The following IMMT variants were observed in gnomAD, a reference collection of about 807,000 sequenced individuals.
IMMT encodes MICOS complex subunit MIC60.
In IMMT, 40 loss-of-function variants were observed where a neutral mutation model predicts 92.7. The ratio of observed to expected loss-of-function variants is 0.43; its 90% CI spans 0.34 to 0.56. IMMT has a LOEUF of 0.56. Ranked by LOEUF, IMMT falls within the 20% of genes least tolerant of loss-of-function variation. IMMT has a pLI of 0.03. For missense variants in IMMT, 831 were observed against 912.1 expected (o/e 0.91, Z 1.14); for synonymous variants, 322 against 336.1 (o/e 0.96, Z 0.46).
At chr2:86,146,296 CCTTA>C in intron 13 of IMMT, 99 bp from the exon 14 acceptor site, 1 of 975,732 alleles carries the variant, frequency 1.0e-6, no homozygotes, top group South Asian at 2.3e-5. Context: ...GCAAAGAGGG[CCTTA>C]GAGTTGTCAC....
intron 9 of IMMT, 81 bp from the exon 10 acceptor site, chr2:86,158,802 CATTT>C: frequency 8.8e-7 from 1 of 1,130,682 alleles, no homozygotes; most frequent in Non-Finnish European, 1.3e-6. Flanking sequence ...AGTATTCCTT[CATTT>C]GTTTACATTT....
rs1676022098 is a variant in IMMT, at chr2:86,158,529, G to A, written c.1162+63C>T. 7.5e-5 allele frequency: 105 copies of A among 1,392,360 alleles called. No individual in the cohort carries two copies. The South Asian group carries it at 1.2e-3, about 16-fold the overall frequency. The allele number at this position is 1,392,360 out of a possible 1,614,324, so 86.3% of individuals were successfully genotyped here. A position where few individuals can be genotyped will look rare whatever the true frequency, so the allele number is the denominator to read the frequency against. ...GTGGACTACAATGGAGATGAAGCAA[G>A]TTTAGATTCATTGATTAGTGGTTAA... On this transcript the variant is annotated intron_variant, in intron 10 of 14. Coordinates refer to ENST00000410111, the MANE Select transcript of IMMT (RefSeq NM_006839.3).
intron 10 of IMMT, among the ~76,000 whole-genome samples, chr2:86,157,606 C>G (rs971764533): frequency 1.3e-5 from 2 of 151,788 alleles, no homozygotes; most frequent in Non-Finnish European, 2.9e-5. Context: ...GCCAAAATGG[C>G]GAAACCCTGT....
At chr2:86,192,091 G>A (rs537570268) in intron 1 of IMMT, among the ~76,000 whole-genome samples, 1 of 151,832 alleles carries the variant, frequency 6.6e-6, no homozygotes, top group Admixed American at 6.6e-5. Context: ...AACATTGGCT[G>A]GGCATGGTGG....
chr2:86,148,280 T>C (rs1046912243), intron 12 of IMMT, among the ~76,000 whole-genome samples: 10 of 152,198 alleles, frequency 6.6e-5, no homozygotes, highest in Non-Finnish European at 1.5e-4. Flanking sequence ...ACTTTCTCAT[T>C]TGTGAGTAAT....
intron 1 of IMMT, chr2:86,193,061 G>A (rs773563914): frequency 6.5e-6 from 1 of 153,150 alleles, no homozygotes; most frequent in Non-Finnish European, 1.5e-5. Flanking sequence ...CCCTCCTAGA[G>A]TAAAGAATGG....
intron 2 of IMMT, among the ~76,000 whole-genome samples, chr2:86,180,074 T>G (rs1672328758): frequency 6.7e-6 from 1 of 150,096 alleles, no homozygotes; most frequent in Non-Finnish European, 1.5e-5. Flanking sequence ...CAAGACCTTG[T>G]CTCAAAAAAT....
chr2:86,183,861 T>A (rs1672585949), intron 1 of IMMT, among the ~76,000 whole-genome samples: 1 of 152,226 alleles, frequency 6.6e-6, no homozygotes, highest in Admixed American at 6.5e-5. Flanking sequence ...ATTTCATGAT[T>A]TGGTATTCCA....
rs182530414 is a variant in IMMT, at chr2:86,188,775, G to A, written c.45+6563C>T. Among the ~76,000 whole-genome samples, 118 of 152,202 alleles carry A rather than the reference G, an allele frequency of 7.8e-4. 3 individuals are homozygous for A. The East Asian group carries it at 0.019, about 24-fold the overall frequency. On this transcript the variant is annotated intron_variant, in intron 1 of 14. Transcript: ENST00000410111. ...TAGTCTTTTTTGTTACTGAGTTGCA[G>A]GAGTTCCTTACCTAAAAAGAAACAC...
intron 1 of IMMT, among the ~76,000 whole-genome samples, chr2:86,184,960 G>C (rs183750356): frequency 3.0e-4 from 46 of 152,228 alleles, no homozygotes; most frequent in African/African-American, 1.1e-3. Flanking sequence ...AGGCCGAAGC[G>C]GGCGGATCAC....
At chr2:86,182,200 GA>G (rs1672479484) in intron 1 of IMMT, among the ~76,000 whole-genome samples, 2 of 152,104 alleles carry the variant, frequency 1.3e-5, no homozygotes, top group African/African-American at 4.8e-5. Flanking sequence ...CTATTAATTT[GA>G]AAATTTACAC....
chr2:86,173,676 T>G lies in IMMT; in HGVS notation c.395A>C (p.Lys132Thr). ...TGTTGCTGAAGCTGGAGTATCTCCC[T>G]TTTGTTTTTGGAGTTGTGAGGCAGG... ...KQPASQLQKQ[K>T]GDTPASATAP... The change falls in exon 4 of 15, where the codon AAG becomes ACG. Residue 132 changes from lysine to threonine, a missense_variant. By Grantham distance (78) the Lys-to-Thr change is moderately conservative (BLOSUM62 -1). Transcript: ENST00000410111. The G allele has an allele frequency of 6.3e-7, 1 of 1,598,438 alleles. No homozygotes were observed. Among genetic ancestry groups the G allele is most frequent in the Non-Finnish European group, 8.6e-7 (1 of 1,166,340 alleles).
At chr2:86,170,964 G>A (rs908996946) in intron 5 of IMMT, 120 bp from the exon 6 acceptor site, 4 of 764,514 alleles carry the variant, frequency 5.2e-6, no homozygotes, top group East Asian at 2.7e-5. Flanking sequence ...GCATTTTTGT[G>A]TTAAGAATTC....
At chr2:86,163,959 C>CAAAAAAAAAAA (rs70953998) in intron 7 of IMMT, among the ~76,000 whole-genome samples, 11 of 91,916 alleles carry the variant, frequency 1.2e-4, no homozygotes, top group Middle Eastern at 7.1e-3. Flanking sequence ...ACTCCATCTC[C>CAAAAAAAAAAA]AAAAAAAAAG....
At chr2:86,150,167 T>G (rs1254346685) in intron 12 of IMMT, among the ~76,000 whole-genome samples, 2 of 152,310 alleles carry the variant, frequency 1.3e-5, no homozygotes, top group East Asian at 3.9e-4. Flanking sequence ...TGGAGCATGA[T>G]AAGCATGAAA....
At chr2:86,180,343 G>A (rs929032226) in intron 2 of IMMT, among the ~76,000 whole-genome samples, 1 of 151,890 alleles carries the variant, frequency 6.6e-6, no homozygotes, top group Non-Finnish European at 1.5e-5. Flanking sequence ...TTGGCTCACT[G>A]CAACCTCCAC....
chr2:86,176,625 C>A (rs1015603392), intron 3 of IMMT, among the ~76,000 whole-genome samples: 8 of 152,062 alleles, frequency 5.3e-5, no homozygotes, highest in Admixed American at 6.6e-5. Flanking sequence ...ATCTTTAATC[C>A]AAAAAAGCAA....
chr2:86,169,457 G>C (rs1052843190), intron 6 of IMMT, among the ~76,000 whole-genome samples: 1 of 152,124 alleles, frequency 6.6e-6, no homozygotes, highest in Non-Finnish European at 1.5e-5. Context: ...GCTATTCTAA[G>C]AAACTTGGTT....
At chr2:86,185,180 A>C (rs2105521079) in intron 1 of IMMT, among the ~76,000 whole-genome samples, 1 of 152,248 alleles carries the variant, frequency 6.6e-6, no homozygotes, top group Non-Finnish European at 1.5e-5. Context: ...AAAAAAAAAA[A>C]AACAAAAGAG....
Sources: gnomAD v4.1 joint callset for allele counts (sites outside exome capture counted in the v4.1 genomes callset) on GRCh38, gnomAD v4.1.1 for gene constraint, MANE v1.5 for transcripts, NCBI Gene and HGNC (gene_info 2026-07-23, HGNC 2026-07-21) for gene names.